The following GRHL2 variants were observed in gnomAD, a reference collection of about 807,000 sequenced individuals.
The protein encoded by GRHL2 is grainyhead like transcription factor 2.
In GRHL2, 21 loss-of-function variants were observed where a neutral mutation model predicts 83.8. The observed-to-expected ratio is 0.25, with a 90% CI of 0.18 to 0.36. The LOEUF (loss-of-function observed/expected upper bound fraction) is 0.36, where lower values mean the gene tolerates loss of function less well. Among genes scored for constraint, GRHL2 ranks in the 10% least tolerant of loss-of-function variants. GRHL2 has a pLI of 1.00. For missense variants in GRHL2, 623 were observed against 781.8 expected, an observed-to-expected ratio of 0.80 and a Z score of 2.42; for synonymous variants, 280 against 278.9, an observed-to-expected ratio of 1.00 and a Z score of -0.04.
At chr8:101,630,103 A>G (rs578120538) in intron 9 of GRHL2, among the ~76,000 whole-genome samples, 1 of 152,310 alleles carries the variant, frequency 6.6e-6, no homozygotes, top group South Asian at 2.1e-4. Flanking sequence ...CAATTCTATT[A>G]TGTAAAGCTC....
chr8:101,636,738 C>G lies in GRHL2; in HGVS notation c.1486-159C>G, dbSNP rs1196854006. 4.5e-6 allele frequency: 3 copies of G among 673,838 alleles called. No homozygotes were observed. In the African/African-American group the frequency reaches 5.3e-5, roughly 12 times the overall value. 41.7% of individuals were successfully genotyped at this position (673,838 alleles called of 1,614,324 possible). On this transcript the variant is annotated intron_variant, in intron 11 of 15. Transcript: ENST00000646743. ...TTCCTTAGAAATACACACACACACA[C>G]ACACACACACACACACACACACACA...
chr8:101,616,140 T>TCTTTCTCTCTCTCTTCTTCCTTC (rs1313408858), intron 8 of GRHL2, among the ~76,000 whole-genome samples: 23 of 151,274 alleles, frequency 1.5e-4, no homozygotes, highest in African/African-American at 5.1e-4. Flanking sequence ...TTTCTTTCTT[T>TCTTTCTCTCTCTCTTCTTCCTTC]CTTTCTCTCT....
intron 8 of GRHL2, among the ~76,000 whole-genome samples, chr8:101,608,136 G>A (rs1167284365): frequency 6.6e-6 from 1 of 152,206 alleles, no homozygotes; most frequent in Non-Finnish European, 1.5e-5. Context: ...CAATCTATAT[G>A]CATTATGCAA....
intron 8 of GRHL2, among the ~76,000 whole-genome samples, chr8:101,607,335 A>G (rs979216204): frequency 4.0e-4 from 61 of 152,332 alleles, no homozygotes; most frequent in Admixed American, 3.2e-3. Flanking sequence ...GTTTTTCAGG[A>G]TGCAAATGGA....
chr8:101,621,042 A>C (rs993189251), intron 9 of GRHL2, among the ~76,000 whole-genome samples: 2 of 152,222 alleles, frequency 1.3e-5, no homozygotes, highest in Admixed American at 1.3e-4. Flanking sequence ...CAGAGTAGGC[A>C]GATCTCAGAA....
At chr8:101,671,266 CT>C (rs2129802372), downstream of GRHL2, among the ~76,000 whole-genome samples, 1 of 152,266 alleles carries the variant, frequency 6.6e-6, no homozygotes, top group South Asian at 2.1e-4. Context: ...GTTCCCTTTC[CT>C]AGTCAAAGAA....
downstream of GRHL2, among the ~76,000 whole-genome samples, chr8:101,671,400 G>A (rs1050147979): frequency 6.6e-6 from 1 of 152,320 alleles, no homozygotes. Flanking sequence ...CGCGCATGGA[G>A]TCTCGCTGAT....
intron 14 of GRHL2, among the ~76,000 whole-genome samples, chr8:101,661,331 G>C (rs1429575178): frequency 2.0e-5 from 3 of 152,098 alleles, no homozygotes; most frequent in Non-Finnish European, 4.4e-5. Context: ...TCTCCATTTG[G>C]ATGCATTTGC....
Position 101,570,381 on chromosome 8 carries a change from G to C in GRHL2, c.721G>C (p.Asp241His). 1.9e-6 allele frequency: 3 copies of C among 1,613,794 alleles called. No individual in the cohort carries two copies. Among genetic ancestry groups the C allele is most frequent in the Non-Finnish European group, 2.5e-6 (3 of 1,179,738 alleles). Reference sequence around the variant, plus strand: ...AGTTGGGGCTGAGGAGTACATGTATGATCAGACATCAAGGTGAGTTACCAG... The same window carrying C: ...AGTTGGGGCTGAGGAGTACATGTATCATCAGACATCAAGGTGAGTTACCAG... ...ASVGAEEYMYDQTSSGTFQYT... is the reference protein window; with the variant it reads ...ASVGAEEYMYHQTSSGTFQYT... The change falls in exon 5 of 16, where the codon GAT (aspartate) becomes CAT (histidine). Residue 241 changes from aspartate to histidine, a missense_variant. By Grantham distance (81) the Asp-to-His change is moderately conservative. Coordinates refer to ENST00000646743, the MANE Select transcript of GRHL2 (RefSeq NM_024915.4).
At chr8:101,599,285 G>A (rs1453549306) in intron 8 of GRHL2, 134 bp downstream of exon 8, 16 of 714,082 alleles carry the variant, frequency 2.2e-5, no homozygotes, top group Middle Eastern at 2.3e-4. Flanking sequence ...CTTTGTGGAG[G>A]GTAAGGGAGA....
chr8:101,561,208 T>A (rs1811603280), intron 4 of GRHL2, among the ~76,000 whole-genome samples: 1 of 152,122 alleles, frequency 6.6e-6, no homozygotes, highest in Admixed American at 6.6e-5. Context: ...TGAACAGATG[T>A]TGTACCTATA....
chr8:101,521,841 G>T (rs1810692073), intron 1 of GRHL2, among the ~76,000 whole-genome samples: 1 of 152,172 alleles, frequency 6.6e-6, no homozygotes, highest in Non-Finnish European at 1.5e-5. Flanking sequence ...GTAATAAGCT[G>T]ACTTGAACTA....
At chr8:101,498,914 C>A (rs11991889) in intron 1 of GRHL2, among the ~76,000 whole-genome samples, 26,204 of 151,598 alleles carry the variant, frequency 0.17, 3,652 homozygotes, top group African/African-American at 0.38. Context: ...TCTCTACTAA[C>A]AATACAAAAA....
chr8:101,564,070 T>C (rs557799898), intron 4 of GRHL2, among the ~76,000 whole-genome samples: 20 of 152,332 alleles, frequency 1.3e-4, no homozygotes, highest in African/African-American at 4.6e-4. Flanking sequence ...TATTTTGGGC[T>C]TTATTTTGAA....
chr8:101,652,359 G>A lies in GRHL2; in HGVS notation c.1698+2860G>A, dbSNP rs1371703374. On this transcript the variant is annotated intron_variant, in intron 14 of 15. Transcript: ENST00000646743. ...TGTGTGTATGTGTGTGGTGTGTGTG[G>A]TGTGTGTGTGTCTGATGTGTGTGTG... 8.9e-3 allele frequency among the ~76,000 whole-genome samples: 479 copies of A among 53,868 alleles called. 25 individuals are homozygous for A. The highest frequency in any genetic ancestry group is 0.048 in the African/African-American group (398 of 8,232). The allele number at this position is 53,868 out of a possible 152,430, so 35.3% of individuals were successfully genotyped here. A position where few individuals can be genotyped will look rare whatever the true frequency, so the allele number is the denominator to read the frequency against.
chr8:101,667,158 G>A lies in GRHL2; in HGVS notation c.*455G>A, dbSNP rs1470993970. 8.7e-6 allele frequency: 2 copies of A among 229,712 alleles called. No homozygotes were observed. Among genetic ancestry groups the A allele is most frequent in the African/African-American group, 2.2e-5 (1 of 45,090 alleles). The allele number at this position is 229,712 out of a possible 1,614,324, so 14.2% of individuals were successfully genotyped here. A position where few individuals can be genotyped will look rare whatever the true frequency, so the allele number is the denominator to read the frequency against. The stretch of plus-strand genomic sequence containing the variant: ...AAATGAGCTACGTCTGGGTGCAGTA[G>A]TTATAGGTGGGGCAAGAGGTGGATG... On this transcript the variant is annotated 3_prime_UTR_variant, in exon 16 of 16. Transcript: ENST00000646743.
intron 7 of GRHL2, among the ~76,000 whole-genome samples, chr8:101,582,539 C>A (rs1812078161): frequency 6.6e-6 from 1 of 152,178 alleles, no homozygotes; most frequent in African/African-American, 2.4e-5. Context: ...AGGCTGAAGC[C>A]TTGGGTCCCC....
At chr8:101,572,707 CAAA>C (rs1811850949) in intron 5 of GRHL2, among the ~76,000 whole-genome samples, 1 of 152,054 alleles carries the variant, frequency 6.6e-6, no homozygotes, top group South Asian at 2.1e-4. Flanking sequence ...ATGTGTTAAA[CAAA>C]AAATGATTGT....
In GRHL2 at chr8:101,528,419, T is replaced by C. The variant is rs570218955; in HGVS notation, c.21-14822T>C. Among the ~76,000 whole-genome samples the C allele has an allele frequency of 9.2e-5, 14 of 152,116 alleles. No homozygotes were observed. In the South Asian group the frequency reaches 2.5e-3, roughly 27 times the overall value. The stretch of plus-strand genomic sequence containing the variant: ...GCAGTAGCTTCTTTTTACCCCCGTC[T>C]CTTTTCAGATTTTTTTTTTTTTTAA... On this transcript the variant is annotated intron_variant, in intron 1 of 15. Transcript: ENST00000646743.
Sources: allele counts gnomAD v4.1 joint callset (sites outside exome capture counted in the v4.1 genomes callset), GRCh38; gene constraint gnomAD v4.1.1; transcripts MANE v1.5; gene names NCBI Gene and HGNC (gene_info 2026-07-23, HGNC 2026-07-21).